The following NKAIN2 variants were observed in gnomAD, a reference collection of about 807,000 sequenced individuals.
The protein encoded by NKAIN2 is sodium/potassium-transporting ATPase subunit beta-1-interacting protein 2.
In NKAIN2, 14 loss-of-function variants were observed where a neutral mutation model predicts 32.6. The ratio of observed to expected loss-of-function variants is 0.43; its 90% CI spans 0.28 to 0.67. The LOEUF (loss-of-function observed/expected upper bound fraction) is 0.67. Ranked by LOEUF, NKAIN2 falls within the 30% of genes least tolerant of loss-of-function variation. The pLI, the probability that NKAIN2 is intolerant of heterozygous loss-of-function variation, is 0.17. For synonymous variants in NKAIN2, 80 were observed against 87.2 expected, an observed-to-expected ratio of 0.92 and a Z score of 0.46; for missense variants, 198 against 258.3, an observed-to-expected ratio of 0.77 and a Z score of 1.60.
chr6:123,892,676 G>A (rs537760253), intron 1 of NKAIN2, among the ~76,000 whole-genome samples: 10 of 151,964 alleles, frequency 6.6e-5, no homozygotes, highest in African/African-American at 2.4e-4. Context: ...AGGGAGGAAG[G>A]AACATACTTT....
rs60670238 is a variant in NKAIN2 at position 124,701,153 on chromosome 6, G to GCACACA, written c.474+42787_474+42792dup. Among the ~76,000 whole-genome samples, 780 of 132,106 alleles carry GCACACA rather than the reference G, an allele frequency of 5.9e-3. 7 individuals carry two copies. The highest frequency in any genetic ancestry group is 0.02 in the African/African-American group (728 of 37,240). 86.7% of individuals were successfully genotyped at this position (132,106 alleles called of 152,430 possible). On this transcript the variant is annotated intron_variant, in intron 4 of 6. Transcript: ENST00000368417. ...AGGAGAGAGATACACACACACACAC[G>GCACACA]CACACACACACACACACACACACAC...
At chr6:124,799,307 C>G (rs1323728850) in intron 5 of NKAIN2, among the ~76,000 whole-genome samples, 1 of 152,316 alleles carries the variant, frequency 6.6e-6, no homozygotes, top group South Asian at 2.1e-4. Flanking sequence ...TATTAAATTG[C>G]TCCCTCTTGT....
At chr6:124,769,823 C>A (rs1778670621) in intron 4 of NKAIN2, among the ~76,000 whole-genome samples, 1 of 152,180 alleles carries the variant, frequency 6.6e-6, no homozygotes, top group Non-Finnish European at 1.5e-5. Flanking sequence ...CTAAACCTAA[C>A]ATGAAGATTC....
At chr6:124,593,896 G>A (rs887474118) in intron 3 of NKAIN2, among the ~76,000 whole-genome samples, 8 of 151,948 alleles carry the variant, frequency 5.3e-5, no homozygotes, top group Non-Finnish European at 1.0e-4. Flanking sequence ...AGGTAAATTT[G>A]GATACTATTC....
chr6:124,107,708 C>A (rs1019879723), intron 1 of NKAIN2, among the ~76,000 whole-genome samples: 1 of 152,132 alleles, frequency 6.6e-6, no homozygotes, highest in South Asian at 2.1e-4. Flanking sequence ...CCCCACCTCT[C>A]TTTCAGCCTC....
At chr6:124,707,522 T>A (rs1483564377) in intron 4 of NKAIN2, among the ~76,000 whole-genome samples, 1 of 136,186 alleles carries the variant, frequency 7.3e-6, no homozygotes, top group Admixed American at 7.2e-5. Flanking sequence ...GACTTTTTAA[T>A]GATTGCCATT....
At chr6:124,764,288 GT>G (rs1465729006) in intron 4 of NKAIN2, among the ~76,000 whole-genome samples, 2 of 152,090 alleles carry the variant, frequency 1.3e-5, no homozygotes, top group East Asian at 3.8e-4. Context: ...AACCTTGAAA[GT>G]TTTTTAATGC....
At chr6:124,239,922 C>G (rs143482529) in intron 1 of NKAIN2, among the ~76,000 whole-genome samples, 1 of 151,944 alleles carries the variant, frequency 6.6e-6, no homozygotes, top group African/African-American at 2.4e-5. Flanking sequence ...GATATAGACA[C>G]GAAAACACCT....
intron 1 of NKAIN2, among the ~76,000 whole-genome samples, chr6:124,099,456 A>G (rs1784783599): frequency 6.6e-6 from 1 of 152,248 alleles, no homozygotes; most frequent in Non-Finnish European, 1.5e-5. Flanking sequence ...CCTAAATAAC[A>G]TTTGTGACAC....
chr6:124,174,608 C>G (rs1436673386), intron 1 of NKAIN2, among the ~76,000 whole-genome samples: 1 of 152,144 alleles, frequency 6.6e-6, no homozygotes. Flanking sequence ...ATTCCTAGCA[C>G]TCCTATTCAT....
At chr6:124,379,518 T>C (rs142080146) in intron 3 of NKAIN2, among the ~76,000 whole-genome samples, 1 of 152,236 alleles carries the variant, frequency 6.6e-6, no homozygotes, top group African/African-American at 2.4e-5. Context: ...TCTTTTTTTC[T>C]GAATTGGCCC....
At chr6:123,860,697 A>G (rs1775752961) in intron 1 of NKAIN2, among the ~76,000 whole-genome samples, 2 of 152,210 alleles carry the variant, frequency 1.3e-5, no homozygotes, top group Non-Finnish European at 2.9e-5. Flanking sequence ...AGTGTGAGCC[A>G]CCATGCGTGG....
intron 4 of NKAIN2, among the ~76,000 whole-genome samples, chr6:124,722,346 T>C (rs1052983726): frequency 2.0e-5 from 3 of 152,224 alleles, no homozygotes; most frequent in African/African-American, 7.2e-5. Flanking sequence ...GTGGAATTGC[T>C]AGATGATACA....
intron 2 of NKAIN2, among the ~76,000 whole-genome samples, chr6:124,344,979 T>G (rs931456658): frequency 3.3e-5 from 5 of 152,194 alleles, no homozygotes; most frequent in African/African-American, 1.2e-4. Context: ...TTGTCATAGA[T>G]AGCCCTTATT....
chr6:124,623,759 T>C (rs1290645177), intron 3 of NKAIN2, among the ~76,000 whole-genome samples: 1 of 152,176 alleles, frequency 6.6e-6, no homozygotes, highest in Non-Finnish European at 1.5e-5. Context: ...CTTCCTTGTC[T>C]TCCTGGTTTG....
chr6:124,696,943 A>G (rs1036488293), intron 4 of NKAIN2, among the ~76,000 whole-genome samples: 1 of 152,126 alleles, frequency 6.6e-6, no homozygotes, highest in African/African-American at 2.4e-5. Context: ...GCGATTTAGT[A>G]AGTGCCTCAG....
chr6:124,661,065 G>A (rs750995856), intron 4 of NKAIN2, among the ~76,000 whole-genome samples: 3 of 152,114 alleles, frequency 2.0e-5, no homozygotes, highest in Non-Finnish European at 4.4e-5. Context: ...GTCTCCTTCT[G>A]GCATCTAGAG....
chr6:124,035,788 ATTGT>A (rs1286914368), intron 1 of NKAIN2, among the ~76,000 whole-genome samples: 9 of 152,032 alleles, frequency 5.9e-5, no homozygotes, highest in African/African-American at 2.2e-4. Context: ...TTTCTTTTAC[ATTGT>A]TTGTGTGCAA....
chr6:123,846,784 T>C (rs1005322994), intron 1 of NKAIN2, among the ~76,000 whole-genome samples: 2 of 152,092 alleles, frequency 1.3e-5, no homozygotes, highest in African/African-American at 4.8e-5. Context: ...AATTATCTTT[T>C]CTAAAGGCAT....
Sources: gnomAD v4.1 joint callset for allele counts (sites outside exome capture counted in the v4.1 genomes callset) on GRCh38, gnomAD v4.1.1 for gene constraint, MANE v1.5 for transcripts, NCBI Gene and HGNC (gene_info 2026-07-23, HGNC 2026-07-21) for gene names.